The following RPS3 variants were observed in gnomAD, a reference collection of about 807,000 sequenced individuals.
The protein encoded by RPS3 is small ribosomal subunit protein uS3.
Under a neutral mutation model 25.8 loss-of-function variants are expected in RPS3, and 2 were observed. That is an observed-to-expected ratio of 0.08 (90% confidence interval 0.03 to 0.24). The LOEUF (loss-of-function observed/expected upper bound fraction) is 0.24, where lower values mean the gene tolerates loss of function less well. Ranked by LOEUF, RPS3 falls within the 10% of genes least tolerant of loss-of-function variation. The pLI is 1.00. For synonymous variants in RPS3, 114 were observed against 114.2 expected (o/e 1.00, Z 0.01); for missense variants, 107 against 307.1 (o/e 0.35, Z 4.87).
At position 75,406,687 on chromosome 11, in the gene RPS3, GAGTT is replaced by G. The variant is rs1251388852; in HGVS notation, c.*1080_*1083del. The G allele has an allele frequency of 6.6e-6, 1 of 150,632 alleles. No homozygotes were observed. The highest frequency in any genetic ancestry group is 6.6e-5 in the Admixed American group (1 of 15,240). 9.3% of individuals were successfully genotyped at this position (150,632 alleles called of 1,614,324 possible). On this transcript the variant is annotated 3_prime_UTR_variant, in exon 7 of 7. Transcript: ENST00000531188. The stretch of plus-strand genomic sequence containing the variant: ...TTAAGTGTACACTTCTATAGTGACA[GAGTT>G]AGCCCTCTGTCCAAGGGATTTGCAT...
At chr11:75,421,264 A>G (rs1328024447) in intron 6 of RPS3, among the ~76,000 whole-genome samples, 1 of 152,114 alleles carries the variant, frequency 6.6e-6, no homozygotes, top group Non-Finnish European at 1.5e-5. Flanking sequence ...CCCTGTAGAC[A>G]GGGCCCTGGG....
At chr11:75,409,103 TC>T (rs1474610209), downstream of RPS3, among the ~76,000 whole-genome samples, 1 of 152,084 alleles carries the variant, frequency 6.6e-6, no homozygotes, top group African/African-American at 2.4e-5. Flanking sequence ...CACTTCAACC[TC>T]CCGGGTAGCT....
chr11:75,400,141 C>A (rs1457047959), intron 1 of RPS3, among the ~76,000 whole-genome samples: 1 of 152,136 alleles, frequency 6.6e-6, no homozygotes, highest in Non-Finnish European at 1.5e-5. Context: ...ATATACACTT[C>A]GATGTCAAAA....
At chr11:75,405,049 A>G (rs1948265873) in intron 6 of RPS3, 181 bp downstream of exon 6, 2 of 468,366 alleles carry the variant, frequency 4.3e-6, no homozygotes, top group Non-Finnish European at 7.6e-6. Context: ...CCAATGGGAC[A>G]GGTGTTGCCT....
chr11:75,418,182 C>A (rs1186571689), intron 6 of RPS3, among the ~76,000 whole-genome samples: 5 of 152,244 alleles, frequency 3.3e-5, no homozygotes, highest in African/African-American at 1.2e-4. Context: ...CATTGGGCCA[C>A]CTGCTGCCCC....
In RPS3 at chr11:75,405,664, CT is replaced by C; in HGVS notation, c.*57del. 4.4e-6 allele frequency: 2 copies of C among 456,056 alleles called. No homozygotes were observed. The highest frequency in any genetic ancestry group is 8.8e-6 in the Non-Finnish European group (2 of 226,912). The allele number at this position is 456,056 out of a possible 1,614,324, so 28.3% of individuals were successfully genotyped here. A position where few individuals can be genotyped will look rare whatever the true frequency, so the allele number is the denominator to read the frequency against. On this transcript the variant is annotated 3_prime_UTR_variant, in exon 7 of 7. Transcript: ENST00000531188. ...AGTCTGGATGTTGCTCTCTAAAGAC[CT>C]TTAATAAAATTTTGTACAAAGACAC...
chr11:75,402,626 C>A, intron 4 of RPS3, 180 bp downstream of exon 4: 1 of 564,250 alleles, frequency 1.8e-6, no homozygotes, highest in Non-Finnish European at 3.0e-6. Flanking sequence ...ACTACTAAAG[C>A]AGCAAGAACT....
At chr11:75,407,732 G>A (rs186386912), downstream of RPS3, among the ~76,000 whole-genome samples, 1 of 152,312 alleles carries the variant, frequency 6.6e-6, no homozygotes, top group East Asian at 1.9e-4. Context: ...CCCTCAAAGT[G>A]CTGGGATTAC....
chr11:75,403,908 G>T, intron 4 of RPS3, 112 bp from the exon 5 acceptor site: 1 of 1,021,700 alleles, frequency 9.8e-7, no homozygotes, highest in Non-Finnish European at 1.4e-6. Context: ...CCGGACTCTG[G>T]TCAAATTATT....
chr11:75,402,102 G>A (rs1202512580), intron 3 of RPS3: 8 of 569,622 alleles, frequency 1.4e-5, no homozygotes, highest in Admixed American at 9.2e-5. Context: ...GGTGGTGTCC[G>A]ATCTTTTGGC....
chr11:75,400,897 T>A (rs1031088066), intron 2 of RPS3, 73 bp downstream of exon 2: 71 of 1,506,722 alleles, frequency 4.7e-5, no homozygotes, highest in East Asian at 3.0e-4. Context: ...TTATTTATTT[T>A]TTTGAGACGG....
chr11:75,405,396 A>G (rs1311501043), intron 6 of RPS3: 2 of 310,642 alleles, frequency 6.4e-6, no homozygotes, highest in Non-Finnish European at 1.2e-5. Flanking sequence ...AACACTAACA[A>G]GCCTCCTGTG....
chr11:75,419,323 G>T (rs1948425212), intron 6 of RPS3, among the ~76,000 whole-genome samples: 1 of 152,164 alleles, frequency 6.6e-6, no homozygotes, highest in African/African-American at 2.4e-5. Context: ...GGAGGCTGAG[G>T]CGGGTGGATC....
chr11:75,404,638 C>T lies in RPS3; in HGVS notation c.539-34C>T. The T allele has an allele frequency of 6.3e-7, 1 of 1,589,088 alleles. No individual in the cohort carries two copies. The highest frequency in any genetic ancestry group is 8.6e-7 in the Non-Finnish European group (1 of 1,160,764). Reference sequence around the variant, plus strand: ...TTGTGTGATGGGGGCCTTTGAGACCCCAGCTGTGTGCTAACAACTGTGGTG... The same window carrying T: ...TTGTGTGATGGGGGCCTTTGAGACCTCAGCTGTGTGCTAACAACTGTGGTG... On this transcript the variant is annotated intron_variant, in intron 5 of 6. Transcript: ENST00000531188. This position sits in a 1 kb window ranked among gnomAD's most constrained non-coding sequence, Gnocchi z 4.6.
chr11:75,415,289 T>C (rs114442727), intron 6 of RPS3, among the ~76,000 whole-genome samples: 2,650 of 152,360 alleles, frequency 0.017, 80 homozygotes, highest in African/African-American at 0.06. Context: ...AGGGCTGTTG[T>C]GGGAGTTAAA....
rs748956027 is a variant in RPS3 at position 75,400,831 on chromosome 11, C to T, written c.161+7C>T. On this transcript the variant is annotated splice_region_variant and intron_variant, in intron 2 of 6. Transcript: ENST00000531188. ...TCATTATCTTAGCCACCAGGTAAAA[C>T]TCATTTGACTGGCCATCACCTATAA... 4 of 1,609,748 alleles carry T rather than the reference C, an allele frequency of 2.5e-6. No individual in the cohort carries two copies. Among genetic ancestry groups the T allele is most frequent in the Non-Finnish European group, 3.4e-6 (4 of 1,178,404 alleles).
At chr11:75,400,289 A>T (rs547680278) in intron 1 of RPS3, 4 of 474,076 alleles carry the variant, frequency 8.4e-6, no homozygotes, top group African/African-American at 7.9e-5. Context: ...TCTACTATCT[A>T]TTCCTTAACA....
intron 6 of RPS3, among the ~76,000 whole-genome samples, chr11:75,416,840 A>C (rs1402827306): frequency 1.3e-5 from 2 of 152,214 alleles, no homozygotes; most frequent in Admixed American, 1.3e-4. Context: ...AAAACATTGA[A>C]GTATCATAGA....
In RPS3 at chr11:75,404,816, G is replaced by A; in HGVS notation, c.683G>A (p.Gly228Asp). The A allele has an allele frequency of 6.2e-7, 1 of 1,613,612 alleles. No individual in the cohort carries two copies. Among genetic ancestry groups the A allele is most frequent in the Non-Finnish European group, 8.5e-7 (1 of 1,179,740 alleles). Residue 228 changes from glycine to aspartate, a missense_variant, in exon 6 of 7, where the codon GGT (glycine) becomes GAT (aspartate). Physicochemically the swap from Gly to Asp is moderately conservative, Grantham distance 94. Coordinates refer to ENST00000531188, the MANE Select transcript of RPS3 (RefSeq NM_001005.5). This position sits in a 1 kb window ranked among gnomAD's most constrained non-coding sequence, Gnocchi z 4.6. ...ACCACCCCCATCTCAGAACAGAAGG[G>A]TGGGAAGCCAGAGCCGCCTGCCATG... ...LPTTPISEQK[G>D]GKPEPPAMPQ...
Sources: gnomAD v4.1 joint callset for allele counts (sites outside exome capture counted in the v4.1 genomes callset) on GRCh38, gnomAD v4.1.1 for gene constraint, Gnocchi (gnomAD v3.1) non-coding constraint, MANE v1.5 for transcripts, NCBI Gene and HGNC (gene_info 2026-07-23, HGNC 2026-07-21) for gene names.